The following TPST2 variants were observed in gnomAD, a reference collection of about 807,000 sequenced individuals.
The protein encoded by TPST2 is protein-tyrosine sulfotransferase 2.
In TPST2, 16 loss-of-function variants were observed where a neutral mutation model predicts 27.8. The observed-to-expected ratio is 0.58, with a 90% confidence interval of 0.39 to 0.88. The LOEUF (loss-of-function observed/expected upper bound fraction) is 0.88, where lower values mean the gene tolerates loss of function less well. TPST2 is among the 40% of genes least tolerant of loss of function. The pLI, the probability that TPST2 is intolerant of heterozygous loss-of-function variation, is 0.00. For synonymous variants in TPST2, 229 were observed against 231.7 expected (o/e 0.99, Z 0.10); for missense variants, 464 against 543.1 (o/e 0.85, Z 1.45).
intron 1 of TPST2, among the ~76,000 whole-genome samples, chr22:26,547,190 G>A (rs1339672395): frequency 1.3e-5 from 2 of 152,050 alleles, no homozygotes; most frequent in African/African-American, 4.8e-5. Flanking sequence ...TCGAGCTCAA[G>A]CGATCCTCCC....
chr22:26,581,694 C>T (rs1602306778), intron 1 of TPST2, among the ~76,000 whole-genome samples: 2 of 152,146 alleles, frequency 1.3e-5, no homozygotes, highest in Admixed American at 1.3e-4. Context: ...GAAAAATAAA[C>T]GTAAAGAGCT....
Position 26,540,884 on chromosome 22 carries a change from G to T in TPST2, c.747C>A (p.Leu249=). The T allele has an allele frequency of 6.2e-7, 1 of 1,614,178 alleles. No homozygotes were observed. The highest frequency in any genetic ancestry group is 8.5e-7 in the Non-Finnish European group (1 of 1,180,032). Reference sequence around the variant, plus strand: ...TGCCGAGGAAGTCGAGGATGAGCTTGAGTGAGCGCCTGGGGTGCAGCACCA... The same window carrying T: ...TGCCGAGGAAGTCGAGGATGAGCTTTAGTGAGCGCCTGGGGTGCAGCACCA... ...EQLVLHPRRS[L]KLILDFLGIA... Residue 249 remains leucine, a synonymous_variant, in exon 3 of 7, where the codon CTC becomes CTA. Transcript: ENST00000338754.
intron 5 of TPST2, 136 bp downstream of exon 5, chr22:26,532,559 A>G (rs574142230): frequency 1.0e-6 from 1 of 983,512 alleles, no homozygotes; most frequent in East Asian, 2.5e-5. Context: ...GATTACAGGC[A>G]GCCAGCTCAC....
intron 1 of TPST2, among the ~76,000 whole-genome samples, chr22:26,570,363 C>T (rs1330225783): frequency 6.6e-6 from 1 of 152,190 alleles, no homozygotes; most frequent in African/African-American, 2.4e-5. Flanking sequence ...ATGGACACCT[C>T]CCAGACCCAC....
chr22:26,564,072 T>C lies in TPST2; in HGVS notation c.-160-19397A>G, dbSNP rs191732032. On this transcript the variant is annotated intron_variant, in intron 1 of 6. Transcript: ENST00000338754. ...TGCACCAACTTTGTGTTGCCGGAGG[T>C]TGCCGTTTTTGCCAAGCTGACGATT... Among the ~76,000 whole-genome samples, 242 of 152,136 alleles carry C rather than the reference T, an allele frequency of 1.6e-3. 1 individual carries two copies. The highest frequency in any genetic ancestry group is 5.4e-3 in the African/African-American group (223 of 41,484).
chr22:26,556,267 AG>A (rs1395982513), intron 1 of TPST2, among the ~76,000 whole-genome samples: 9 of 152,224 alleles, frequency 5.9e-5, no homozygotes, highest in Non-Finnish European at 1.0e-4. Context: ...GGCCAGGAGC[AG>A]TGGCTCATGT....
intron 1 of TPST2, among the ~76,000 whole-genome samples, chr22:26,589,553 C>T (rs1018832085): frequency 3.3e-5 from 5 of 152,224 alleles, no homozygotes; most frequent in Admixed American, 2.6e-4. Context: ...GTGCTCCCAG[C>T]GCCCACCTCC....
chr22:26,564,903 T>C (rs1379367016), intron 1 of TPST2, among the ~76,000 whole-genome samples: 1 of 152,166 alleles, frequency 6.6e-6, no homozygotes, highest in African/African-American at 2.4e-5. Context: ...CTGGGCAAAC[T>C]GCTTCACCTC....
intron 1 of TPST2, among the ~76,000 whole-genome samples, chr22:26,552,708 C>T (rs749505418): frequency 9.9e-5 from 15 of 152,112 alleles, no homozygotes; most frequent in Non-Finnish European, 2.1e-4. Context: ...CGAAAACAGG[C>T]GGTCAGCTAG....
intron 1 of TPST2, among the ~76,000 whole-genome samples, chr22:26,554,492 G>A (rs900971903): frequency 6.6e-6 from 1 of 152,228 alleles, no homozygotes; most frequent in Non-Finnish European, 1.5e-5. Flanking sequence ...GCTGTCAGAG[G>A]TAGGGGACTG....
chr22:26,588,190 C>T (rs1466806236), intron 1 of TPST2, among the ~76,000 whole-genome samples: 5 of 108,830 alleles, frequency 4.6e-5, no homozygotes, highest in African/African-American at 3.7e-5. Context: ...TAAAAAGGAA[C>T]GAAGTACTTA....
chr22:26,524,970 G>C lies in TPST2; in HGVS notation c.*1305C>G, dbSNP rs1293265513. On this transcript the variant is annotated 3_prime_UTR_variant, in exon 7 of 7. Coordinates refer to ENST00000338754, the MANE Select transcript of TPST2 (RefSeq NM_003595.5). ...AATGTGATTTATGGTGGGGACCTTG[G>C]GCCATGCTGTATCATTTTGACCTCT... 1 of 152,166 alleles carries C rather than the reference G, an allele frequency of 6.6e-6. No individual in the cohort carries two copies. The highest frequency in any genetic ancestry group is 1.5e-5 in the Non-Finnish European group (1 of 68,050). The allele number at this position is 152,166 out of a possible 1,614,324, so 9.4% of individuals were successfully genotyped here. A position where few individuals can be genotyped will look rare whatever the true frequency, so the allele number is the denominator to read the frequency against.
chr22:26,546,076 CAAA>C (rs756682739), intron 1 of TPST2, among the ~76,000 whole-genome samples: 2 of 69,762 alleles, frequency 2.9e-5, no homozygotes. Flanking sequence ...GACCACGTCT[CAAA>C]AAAAAAAAAA....
Position 26,524,509 on chromosome 22 carries a change from C to CACACACAT in TPST2, c.*1758_*1765dup, listed in dbSNP as rs71192937. ...GTGACAGAGCGAGATTCTGTCTAAA[C>CACACACAT]ACACACATACACACATACACACCAT... On this transcript the variant is annotated 3_prime_UTR_variant, in exon 7 of 7. Coordinates refer to ENST00000338754, the MANE Select transcript of TPST2 (RefSeq NM_003595.5). 1.3e-5 allele frequency: 2 copies of CACACACAT among 151,678 alleles called. No homozygotes were observed. Among genetic ancestry groups the CACACACAT allele is most frequent in the South Asian group, 4.2e-4 (2 of 4,808 alleles). 9.4% of individuals were successfully genotyped at this position (151,678 alleles called of 1,614,324 possible).
chr22:26,585,507 G>A (rs1484548009), intron 1 of TPST2, among the ~76,000 whole-genome samples: 1 of 152,148 alleles, frequency 6.6e-6, no homozygotes, highest in African/African-American at 2.4e-5. Context: ...ATCTCTGGAG[G>A]GGCCCCAGAC....
At chr22:26,542,344 C>T (rs968789385) in intron 2 of TPST2, among the ~76,000 whole-genome samples, 11 of 151,922 alleles carry the variant, frequency 7.2e-5, no homozygotes, top group Non-Finnish European at 1.3e-4. Flanking sequence ...CTCAGCCTCC[C>T]AAGTACCTGG....
At position 26,541,276 on chromosome 22, in the gene TPST2, C is replaced by G; in HGVS notation, c.355G>C (p.Glu119Gln). Residue 119 changes from glutamate (E) to glutamine (Q), a missense_variant, in exon 3 of 7, where the codon GAG becomes CAG. Coordinates refer to ENST00000338754, the MANE Select transcript of TPST2 (RefSeq NM_003595.5). The surrounding 1 kb of genome is among the most constrained non-coding windows in gnomAD (Gnocchi z 5.9). ...MRQAWSKSGR[E>Q]KLRLDEAGVT... ...CCCGCCTCATCCAGCCGCAGCTTCT[C>G]ACGGCCAGACTTGGACCAGGCCTGG... 6.5e-7 allele frequency: 1 copy of G among 1,538,290 alleles called. No homozygotes were observed. The highest frequency in any genetic ancestry group is 8.8e-7 in the Non-Finnish European group (1 of 1,140,740).
At chr22:26,579,819 A>G (rs1197548062) in intron 1 of TPST2, among the ~76,000 whole-genome samples, 1 of 149,840 alleles carries the variant, frequency 6.7e-6, no homozygotes, top group East Asian at 2.0e-4. Flanking sequence ...ATAGAGACAG[A>G]GGATGTAGAT....
intron 1 of TPST2, among the ~76,000 whole-genome samples, chr22:26,567,587 C>A (rs1421397277): frequency 6.6e-6 from 1 of 152,140 alleles, no homozygotes; most frequent in Non-Finnish European, 1.5e-5. Flanking sequence ...ATTCCAATGA[C>A]CTTGAGGCTT....
Sources: gnomAD v4.1 joint callset for allele counts (sites outside exome capture counted in the v4.1 genomes callset) on GRCh38, gnomAD v4.1.1 for gene constraint, Gnocchi (gnomAD v3.1) non-coding constraint, MANE v1.5 for transcripts, NCBI Gene and HGNC (gene_info 2026-07-23, HGNC 2026-07-21) for gene names.